Variants in ZNF536 observed in about 807,000 individuals in gnomAD.
ZNF536 encodes the protein zinc finger protein 536.
Under a neutral mutation model 84.5 loss-of-function variants are expected in ZNF536, and 13 were observed. That is an observed-to-expected ratio of 0.15 (90% CI 0.10 to 0.24). The LOEUF (loss-of-function observed/expected upper bound fraction) is 0.24, where lower values mean the gene tolerates loss of function less well. Among genes scored for constraint, ZNF536 ranks in the 10% least tolerant of loss-of-function variants. ZNF536 has a pLI of 1.00. For synonymous variants in ZNF536, 811 were observed against 742.5 expected (o/e 1.09, Z -1.50); for missense variants, 1,536 against 1,747.5 (o/e 0.88, Z 2.16).
chr19:30,623,137 T>G (rs2048552182), intron 1 of ZNF536, among the ~76,000 whole-genome samples: 1 of 150,854 alleles, frequency 6.6e-6, no homozygotes, highest in African/African-American at 2.4e-5. Flanking sequence ...TTTTGTCTCC[T>G]ACCCCATATC....
At chr19:30,554,015 A>T (rs987910176) in intron 4 of ZNF536, 6 of 152,006 alleles carry the variant, frequency 3.9e-5, no homozygotes, top group African/African-American at 1.4e-4. Context: ...TGGCTTCCCC[A>T]ACCCAAATTA....
At chr19:30,252,977 CTGATGA>C (rs1046624013) in intron 1 of ZNF536, among the ~76,000 whole-genome samples, 3 of 152,170 alleles carry the variant, frequency 2.0e-5, no homozygotes, top group South Asian at 2.1e-4. Flanking sequence ...TTTCGAAATG[CTGATGA>C]TGATGGTGAT....
intron 1 of ZNF536, among the ~76,000 whole-genome samples, chr19:30,384,807 G>A (rs1441136346): frequency 1.3e-5 from 2 of 152,044 alleles, no homozygotes; most frequent in Non-Finnish European, 2.9e-5. Context: ...TGGGAGGATT[G>A]CTTAAGGCCA....
intron 3 of ZNF536, among the ~76,000 whole-genome samples, chr19:30,366,165 T>G (rs1046885727): frequency 2.0e-5 from 3 of 152,198 alleles, no homozygotes; most frequent in Non-Finnish European, 4.4e-5. Context: ...TAATTGCCAT[T>G]TAATCATATG....
intron 1 of ZNF536, among the ~76,000 whole-genome samples, chr19:30,576,662 A>G (rs905729175): frequency 5.3e-5 from 8 of 152,032 alleles, no homozygotes; most frequent in African/African-American, 1.9e-4. Context: ...CCCCTGCCTC[A>G]CTTTCCTCTG....
At chr19:30,464,579 AAG>A (rs1474556177) in intron 2 of ZNF536, among the ~76,000 whole-genome samples, 1 of 151,998 alleles carries the variant, frequency 6.6e-6, no homozygotes, top group Non-Finnish European at 1.5e-5. Context: ...CCAAGACCCC[AAG>A]TGGCAGCTCC....
intron 1 of ZNF536, among the ~76,000 whole-genome samples, chr19:30,435,372 T>A (rs1213442793): frequency 1.3e-5 from 2 of 149,872 alleles, no homozygotes; most frequent in African/African-American, 5.0e-5. Flanking sequence ...ATGGTGGTGA[T>A]GATGATGATG....
intron 1 of ZNF536, among the ~76,000 whole-genome samples, chr19:30,664,207 T>TCC (rs2050227107): frequency 2.1e-4 from 1 of 4,748 alleles, no homozygotes; most frequent in East Asian, 0.014. Flanking sequence ...CTGAGTTTTC[T>TCC]CTCTCTCTCT....
At position 30,664,930 on chromosome 19, in the gene ZNF536, TA is replaced by T. The variant is rs549988696; in HGVS notation, c.170-45824del. Among the ~76,000 whole-genome samples, 784 of 152,332 alleles carry T rather than the reference TA, an allele frequency of 5.1e-3. 3 individuals are homozygous for T. Among genetic ancestry groups the T allele is most frequent in the African/African-American group, 0.018 (753 of 41,574 alleles). ...ACCCCAGCCTCTGTTTATCTTCCTA[TA>T]AATAGGTCACAATAGTGCCTCCTAG... On this transcript the variant is annotated intron_variant, in intron 1 of 1. Coordinates refer to the ZNF536 transcript ENST00000592773.
chr19:30,647,797 T>A (rs943271049), intron 1 of ZNF536, among the ~76,000 whole-genome samples: 3 of 152,182 alleles, frequency 2.0e-5, no homozygotes, highest in African/African-American at 7.2e-5. Context: ...CAGGGAGTGC[T>A]GACCCTTTGC....
At chr19:30,670,718 C>T (rs1041049400) in intron 1 of ZNF536, among the ~76,000 whole-genome samples, 11 of 152,194 alleles carry the variant, frequency 7.2e-5, no homozygotes, top group African/African-American at 2.2e-4. Flanking sequence ...GACGCCTTTC[C>T]GGACTGGCCC....
At chr19:30,269,224 G>T (rs1022924270) in intron 1 of ZNF536, among the ~76,000 whole-genome samples, 2 of 152,180 alleles carry the variant, frequency 1.3e-5, no homozygotes, top group African/African-American at 2.4e-5. Context: ...ACCTGCCTGG[G>T]GAGGCCGCCC....
chr19:30,236,093 A>C (rs1356763056), intron 1 of ZNF536, among the ~76,000 whole-genome samples: 2 of 151,486 alleles, frequency 1.3e-5, no homozygotes, highest in Non-Finnish European at 2.9e-5. Flanking sequence ...GAAAAGTGGT[A>C]GTGTGGGAAT....
intron 1 of ZNF536, among the ~76,000 whole-genome samples, chr19:30,375,768 CGT>C (rs556932448): frequency 5.4e-4 from 83 of 152,296 alleles, no homozygotes; most frequent in Admixed American, 1.0e-3. Context: ...GTTTGCACCT[CGT>C]GTGCCTGTGT....
At chr19:30,447,618 G>A (rs1237119081) in intron 2 of ZNF536, among the ~76,000 whole-genome samples, 7 of 152,180 alleles carry the variant, frequency 4.6e-5, no homozygotes, top group African/African-American at 7.2e-5. Context: ...ACTAAGATTC[G>A]AGGGAAGGGT....
chr19:30,646,369 C>T (rs564904224), intron 1 of ZNF536, among the ~76,000 whole-genome samples: 2 of 152,332 alleles, frequency 1.3e-5, no homozygotes, highest in East Asian at 1.9e-4. Context: ...CACATGTTCA[C>T]GACTGTGTGT....
intron 1 of ZNF536, among the ~76,000 whole-genome samples, chr19:30,669,534 C>A (rs2050463150): frequency 6.6e-6 from 1 of 152,178 alleles, no homozygotes; most frequent in Admixed American, 6.5e-5. Context: ...GCGGAGGGGT[C>A]CCTTGGCCTC....
chr19:30,535,598 C>T (rs142761952), intron 3 of ZNF536, among the ~76,000 whole-genome samples: 176 of 152,172 alleles, frequency 1.2e-3, no homozygotes, highest in Non-Finnish European at 2.0e-3. Context: ...CTGCTGCACC[C>T]CTCTGGCCAT....
chr19:30,639,982 C>T (rs929268512), intron 1 of ZNF536, among the ~76,000 whole-genome samples: 4 of 152,206 alleles, frequency 2.6e-5, no homozygotes, highest in Admixed American at 6.5e-5. Context: ...CTGTGGCTCA[C>T]GCCTGTAATT....
Sources: allele counts gnomAD v4.1 joint callset (sites outside exome capture counted in the v4.1 genomes callset), GRCh38; gene constraint gnomAD v4.1.1; transcripts MANE v1.5; gene names NCBI Gene and HGNC (gene_info 2026-07-23, HGNC 2026-07-21).